The following NAALADL2 variants were observed in gnomAD, a reference collection of about 807,000 sequenced individuals.
NAALADL2 encodes inactive N-acetylated-alpha-linked acidic dipeptidase-like protein 2.
NAALADL2 carries 76 observed loss-of-function variants against 87.2 expected under a neutral mutation model. The observed-to-expected ratio is 0.87, with a 90% CI of 0.72 to 1.05. The LOEUF (loss-of-function observed/expected upper bound fraction) is 1.05, where lower values mean the gene tolerates loss of function less well. Among genes scored for constraint, NAALADL2 ranks in the 50% least tolerant of loss-of-function variants. The probability of loss-of-function intolerance (pLI) is 0.00; values close to 1 mark genes in which losing one functional copy is unlikely to be tolerated. For missense variants in NAALADL2, 1,089 were observed against 945.8 expected (o/e 1.15, Z -1.99); for synonymous variants, 354 against 331.0 (o/e 1.07, Z -0.75).
chr3:175,072,271 A>T (rs1274316874), intron 1 of NAALADL2, among the ~76,000 whole-genome samples: 1 of 152,088 alleles, frequency 6.6e-6, no homozygotes, highest in African/African-American at 2.4e-5. Flanking sequence ...ACCTTTCAAA[A>T]TCTTAGTTTC....
intron 5 of NAALADL2, among the ~76,000 whole-genome samples, chr3:175,386,076 G>A (rs905775931): frequency 6.6e-5 from 10 of 152,032 alleles, no homozygotes; most frequent in African/African-American, 1.4e-4. Context: ...CTTGGTTGAT[G>A]GGATTATCTG....
chr3:175,174,951 T>C (rs1735494723), intron 2 of NAALADL2, among the ~76,000 whole-genome samples: 1 of 152,094 alleles, frequency 6.6e-6, no homozygotes. Context: ...ATTAGGAACA[T>C]ATAGAGTTAA....
chr3:175,507,970 T>G (rs1201298411), intron 9 of NAALADL2, among the ~76,000 whole-genome samples: 1 of 152,136 alleles, frequency 6.6e-6, no homozygotes, highest in African/African-American at 2.4e-5. Context: ...TCTATTGGCT[T>G]TACAGGAAGC....
intron 2 of NAALADL2, among the ~76,000 whole-genome samples, chr3:174,689,098 T>C (rs1295903277): frequency 6.6e-6 from 1 of 152,142 alleles, no homozygotes; most frequent in Non-Finnish European, 1.5e-5. Context: ...TAATAGACTT[T>C]GTGTGATTAT....
chr3:175,225,722 A>G (rs1744058465), intron 2 of NAALADL2, among the ~76,000 whole-genome samples: 1 of 151,984 alleles, frequency 6.6e-6, no homozygotes, highest in Admixed American at 6.6e-5. Context: ...TTTTTATCAA[A>G]AGTTTCTGTG....
chr3:175,320,766 C>T (rs1759750872), intron 4 of NAALADL2, among the ~76,000 whole-genome samples: 1 of 152,076 alleles, frequency 6.6e-6, no homozygotes, highest in African/African-American at 2.4e-5. Flanking sequence ...GACACATGCA[C>T]TCTCCCAAGA....
chr3:174,855,497 T>C (rs1162904003), upstream of NAALADL2, among the ~76,000 whole-genome samples: 1 of 152,168 alleles, frequency 6.6e-6, no homozygotes, highest in Non-Finnish European at 1.5e-5. Flanking sequence ...AATGTTTTGC[T>C]CTTGCAGTTA....
chr3:175,244,388 C>T (rs1248171199), intron 3 of NAALADL2, among the ~76,000 whole-genome samples: 1 of 151,450 alleles, frequency 6.6e-6, no homozygotes. Context: ...CCTCTTTTTT[C>T]ATTTCTAGGA....
intron 3 of NAALADL2, among the ~76,000 whole-genome samples, chr3:174,823,372 G>T (rs1369882832): frequency 1.3e-5 from 2 of 151,800 alleles, no homozygotes; most frequent in Non-Finnish European, 2.9e-5. Context: ...CTACATTCTT[G>T]TTAAGCAAAT....
At chr3:174,694,325 C>T (rs1728836851) in intron 2 of NAALADL2, among the ~76,000 whole-genome samples, 1 of 152,084 alleles carries the variant, frequency 6.6e-6, no homozygotes, top group East Asian at 1.9e-4. Context: ...CGGACTGTTC[C>T]TAGAGGGTCA....
chr3:174,747,312 A>G (rs1443780070), intron 3 of NAALADL2, among the ~76,000 whole-genome samples: 2 of 152,166 alleles, frequency 1.3e-5, no homozygotes, highest in Non-Finnish European at 2.9e-5. Context: ...ACGTGGCCAA[A>G]AAACATATGA....
At chr3:175,333,669 G>A (rs542434209) in intron 5 of NAALADL2, among the ~76,000 whole-genome samples, 112 of 152,054 alleles carry the variant, frequency 7.4e-4, no homozygotes, top group Non-Finnish European at 1.4e-3. Flanking sequence ...GAGGCTGTGG[G>A]TAGAGGTGTG....
intron 9 of NAALADL2, among the ~76,000 whole-genome samples, chr3:175,559,798 T>C (rs1715976187): frequency 6.6e-6 from 1 of 152,260 alleles, no homozygotes; most frequent in Non-Finnish European, 1.5e-5. Flanking sequence ...CACTTGATCA[T>C]GATGAATGAT....
At chr3:174,445,425 C>T (rs1359422186) in intron 1 of NAALADL2, among the ~76,000 whole-genome samples, 1 of 152,054 alleles carries the variant, frequency 6.6e-6, no homozygotes, top group Non-Finnish European at 1.5e-5. Context: ...GTTTTGTGCC[C>T]ATGTCTTTCC....
chr3:175,457,176 C>A lies in NAALADL2; in HGVS notation c.1235-6225C>A, dbSNP rs573917391. 3.5e-4 allele frequency among the ~76,000 whole-genome samples: 53 copies of A among 152,162 alleles called. 1 individual carries two copies. The South Asian group carries it at 0.011, about 30-fold the overall frequency. On this transcript the variant is annotated intron_variant, in intron 6 of 13. Transcript: ENST00000454872. ...TGTCTAATATGGGCTATTCACCCTA[C>A]ATCAAATGTTCTACCTGCCCCTACC...
chr3:174,810,458 G>A (rs1283957596), intron 3 of NAALADL2, among the ~76,000 whole-genome samples: 2 of 152,032 alleles, frequency 1.3e-5, no homozygotes, highest in East Asian at 3.9e-4. Flanking sequence ...GAGCTTGGTT[G>A]GATAGTGCCT....
At chr3:175,086,553 A>T (rs1471805506) in intron 1 of NAALADL2, among the ~76,000 whole-genome samples, 1 of 152,218 alleles carries the variant, frequency 6.6e-6, no homozygotes, top group Non-Finnish European at 1.5e-5. Context: ...CAAAGATGTC[A>T]ATTATATAAA....
At chr3:175,154,937 C>T (rs1206490886) in intron 2 of NAALADL2, among the ~76,000 whole-genome samples, 2 of 152,084 alleles carry the variant, frequency 1.3e-5, no homozygotes, top group Non-Finnish European at 2.9e-5. Flanking sequence ...TGGACAAGAG[C>T]AAGCTTTAGT....
chr3:175,635,718 A>T (rs969469451), intron 11 of NAALADL2, among the ~76,000 whole-genome samples: 1 of 141,646 alleles, frequency 7.1e-6, no homozygotes, highest in African/African-American at 2.8e-5. Flanking sequence ...TTTGATGTTA[A>T]TTTCTGCATT....
Sources: allele counts gnomAD v4.1 joint callset (sites outside exome capture counted in the v4.1 genomes callset), GRCh38; gene constraint gnomAD v4.1.1; transcripts MANE v1.5; gene names NCBI Gene and HGNC (gene_info 2026-07-23, HGNC 2026-07-21).